MOV10L1: variants seen among roughly 807,000 people sequenced by gnomAD.
MOV10L1 encodes the protein Mov10 like RNA helicase 1.
MOV10L1 carries 110 observed loss-of-function variants against 143.8 expected under a neutral mutation model. The ratio of observed to expected loss-of-function variants is 0.76; its 90% confidence interval spans 0.66 to 0.90. The LOEUF (loss-of-function observed/expected upper bound fraction) is 0.90, where lower values mean the gene tolerates loss of function less well. MOV10L1 is among the 40% of genes least tolerant of loss of function. The pLI is 0.00. For synonymous variants in MOV10L1, 593 were observed against 581.1 expected, an observed-to-expected ratio of 1.02 and a Z score of -0.29; for missense variants, 1,406 against 1,526.8, an observed-to-expected ratio of 0.92 and a Z score of 1.32.
intron 19 of MOV10L1, among the ~76,000 whole-genome samples, chr22:50,146,102 C>T (rs1430655505): frequency 3.9e-5 from 6 of 152,080 alleles, no homozygotes; most frequent in Non-Finnish European, 7.4e-5. Flanking sequence ...GACTGTAGAG[C>T]CAGAGCCTCG....
chr22:50,122,485 C>T (rs2062374808), intron 10 of MOV10L1, among the ~76,000 whole-genome samples: 1 of 152,092 alleles, frequency 6.6e-6, no homozygotes. Context: ...TTATGCATGC[C>T]ATCTGCAAAC....
chr22:50,135,734 G>A (rs1349493250), intron 15 of MOV10L1, among the ~76,000 whole-genome samples: 1 of 146,086 alleles, frequency 6.8e-6, no homozygotes. Context: ...CTGGGCAATA[G>A]AGCGAGACTC....
chr22:50,098,977 A>G (rs74492663), intron 2 of MOV10L1, among the ~76,000 whole-genome samples: 2,725 of 152,284 alleles, frequency 0.018, 39 homozygotes, highest in South Asian at 0.061. Flanking sequence ...TGATTTTCAT[A>G]TGTTGAAACA....
chr22:50,117,318 CA>C lies in MOV10L1; in HGVS notation c.1426del (p.Thr476LeufsTer5), dbSNP rs777769041. ...AAAAGTTCACAAGCGTTAACATCCGCAAAAACTACAGTTGTTGTGACCGCAC... is the reference window on the plus strand; with the variant it reads ...AAAAGTTCACAAGCGTTAACATCCGCAAAACTACAGTTGTTGTGACCGCAC... Reference protein sequence around the residue: ...KLKSSQALTSAKTTVVVTAQK... With the variant: ...KLKSSQALTSXKTTVVVTAQK... On this transcript the variant is annotated frameshift_variant, in exon 9 of 27. Transcript: ENST00000262794. LOFTEE classifies it high-confidence loss of function. The C allele has an allele frequency of 4.3e-5, 69 of 1,613,762 alleles. No individual in the cohort carries two copies. The highest frequency in any genetic ancestry group is 5.8e-5 in the Non-Finnish European group (68 of 1,179,938).
chr22:50,148,934 C>T (rs924441150), intron 19 of MOV10L1, among the ~76,000 whole-genome samples: 1 of 152,158 alleles, frequency 6.6e-6, no homozygotes, highest in East Asian at 1.9e-4. Context: ...AAAGTGCTGG[C>T]ATTACAGGCG....
intron 22 of MOV10L1, among the ~76,000 whole-genome samples, chr22:50,155,737 G>A (rs1313206986): frequency 6.6e-6 from 1 of 152,186 alleles, no homozygotes; most frequent in African/African-American, 2.4e-5. Context: ...GCCTCCCAAA[G>A]TACTGGGATT....
intron 7 of MOV10L1, among the ~76,000 whole-genome samples, 163 bp downstream of exon 7, chr22:50,114,785 G>A (rs146499597): frequency 5.9e-5 from 9 of 152,314 alleles, no homozygotes; most frequent in Non-Finnish European, 8.8e-5. Flanking sequence ...TGCTGACGAC[G>A]TTAGGGAGAG....
At chr22:50,130,295 T>G (rs1208548620) in intron 13 of MOV10L1, among the ~76,000 whole-genome samples, 2 of 151,850 alleles carry the variant, frequency 1.3e-5, no homozygotes, top group Non-Finnish European at 2.9e-5. Flanking sequence ...AATAAATAAA[T>G]TTTATATATA....
chr22:50,155,004 A>G (rs965940545), intron 22 of MOV10L1, among the ~76,000 whole-genome samples: 1 of 152,182 alleles, frequency 6.6e-6, no homozygotes, highest in Non-Finnish European at 1.5e-5. Context: ...AGCCCAGTCT[A>G]TAGTGATTTC....
In MOV10L1 at chr22:50,141,126, C is replaced by T. The variant is rs561107484; in HGVS notation, c.2071-955C>T. Among the ~76,000 whole-genome samples the T allele has an allele frequency of 2.4e-3, 368 of 152,140 alleles. 8 individuals carry two copies. Among genetic ancestry groups the T allele is most frequent in the East Asian group, 7.7e-4 (4 of 5,168 alleles). ...AGTGCAGTGGCACGATCTTGGCTCA[C>T]TGCAGCCTCCACCTCCCGGGTTCAA... On this transcript the variant is annotated intron_variant, in intron 15 of 26. Transcript: ENST00000262794.
intron 10 of MOV10L1, among the ~76,000 whole-genome samples, chr22:50,122,092 G>A (rs1457745331): frequency 6.6e-6 from 1 of 152,064 alleles, no homozygotes; most frequent in African/African-American, 2.4e-5. Flanking sequence ...CACCCGGCCT[G>A]TCATTGGAAT....
At chr22:50,144,876 C>A (rs964683331) in intron 18 of MOV10L1, among the ~76,000 whole-genome samples, 3 of 152,046 alleles carry the variant, frequency 2.0e-5, no homozygotes, top group Admixed American at 6.5e-5. Context: ...CCACCGTGCC[C>A]GGCCTGGTTT....
chr22:50,115,277 G>A (rs371323017), intron 8 of MOV10L1, 31 bp downstream of exon 8: 45 of 1,461,558 alleles, frequency 3.1e-5, no homozygotes, highest in South Asian at 2.3e-4. Context: ...GGAGAGCCGC[G>A]TTTTTAAGTT....
At chr22:50,098,900 T>C (rs1243551464) in intron 2 of MOV10L1, among the ~76,000 whole-genome samples, 1 of 152,236 alleles carries the variant, frequency 6.6e-6, no homozygotes, top group Non-Finnish European at 1.5e-5. Context: ...TTTTGTCAAA[T>C]GCTTTTTGTG....
intron 15 of MOV10L1, among the ~76,000 whole-genome samples, chr22:50,135,475 G>A (rs188959052): frequency 1.6e-4 from 24 of 151,992 alleles, no homozygotes; most frequent in Admixed American, 1.4e-3. Context: ...CTTCTAGGCC[G>A]GTCGCAGTGG....
intron 12 of MOV10L1, among the ~76,000 whole-genome samples, 179 bp downstream of exon 12, chr22:50,126,451 A>G (rs772899680): frequency 5.3e-5 from 8 of 152,362 alleles, no homozygotes; most frequent in South Asian, 2.1e-4. Context: ...ACTTAATACT[A>G]TAATTTTCAA....
intron 8 of MOV10L1, among the ~76,000 whole-genome samples, chr22:50,115,725 T>C (rs1438498654): frequency 6.6e-6 from 1 of 152,108 alleles, no homozygotes; most frequent in Admixed American, 6.5e-5. Context: ...GAAAACAGGG[T>C]GTCTCTGAGG....
chr22:50,145,315 C>A (rs138266), intron 18 of MOV10L1, among the ~76,000 whole-genome samples: 9 of 152,186 alleles, frequency 5.9e-5, no homozygotes, highest in Non-Finnish European at 7.3e-5. Context: ...CCAGCTACTC[C>A]GGAGGCCGAA....
chr22:50,102,869 C>G (rs1448558637), intron 3 of MOV10L1, among the ~76,000 whole-genome samples: 6 of 152,100 alleles, frequency 3.9e-5, no homozygotes, highest in Non-Finnish European at 8.8e-5. Flanking sequence ...CCACTGCACT[C>G]CAGCCTGGGC....
Sources: allele counts gnomAD v4.1 joint callset (sites outside exome capture counted in the v4.1 genomes callset), GRCh38; gene constraint gnomAD v4.1.1; transcripts MANE v1.5; gene names NCBI Gene and HGNC (gene_info 2026-07-23, HGNC 2026-07-21).